The following SFTPA1 variants were observed in gnomAD, a reference collection of about 807,000 sequenced individuals.
SFTPA1 encodes surfactant protein A1.
A neutral mutation model predicts 19.1 loss-of-function variants in SFTPA1; 13 were observed. The observed-to-expected ratio is 0.68, with a 90% CI of 0.44 to 1.08. The LOEUF (loss-of-function observed/expected upper bound fraction) is 1.08. Among genes scored for constraint, SFTPA1 ranks in the 50% least tolerant of loss-of-function variants. The pLI is 0.00. For synonymous variants in SFTPA1, 101 were observed against 117.0 expected (o/e 0.86, Z 0.88); for missense variants, 259 against 316.4 (o/e 0.82, Z 1.38).
In SFTPA1 at chr10:79,614,943, A is replaced by T; in HGVS notation, c.*830A>T. ...GCTTTCTCCTTTCATTAATCCATTC[A>T]CCCAGATATTTCATTAAAATTATCA... is the stretch of plus-strand genomic sequence containing the variant. On this transcript the variant is annotated 3_prime_UTR_variant, in exon 6 of 6. Coordinates refer to ENST00000398636, the MANE Select transcript of SFTPA1 (RefSeq NM_005411.5). 1 of 1,267,940 alleles carries T rather than the reference A, an allele frequency of 7.9e-7. No individual in the cohort carries two copies. Among genetic ancestry groups the T allele is most frequent in the Non-Finnish European group, 1.0e-6 (1 of 959,064 alleles). 78.5% of individuals were successfully genotyped at this position (1,267,940 alleles called of 1,614,324 possible).
intron 3 of SFTPA1, 35 bp downstream of exon 3, chr10:79,612,032 A>T: frequency 6.2e-7 from 1 of 1,610,432 alleles, no homozygotes; most frequent in Non-Finnish European, 8.5e-7. Context: ...CAGCTGAGGG[A>T]CACAGACCCC....
chr10:79,613,893 G>C lies in SFTPA1; in HGVS notation c.527G>C (p.Ser176Thr), dbSNP rs1312963733. 3.1e-6 allele frequency: 5 copies of C among 1,614,006 alleles called. No homozygotes were observed. Among genetic ancestry groups the C allele is most frequent in the Non-Finnish European group, 4.2e-6 (5 of 1,179,866 alleles). Residue 176 changes from serine (S) to threonine (T), a missense_variant, in exon 6 of 6, where the codon AGC (serine) becomes ACC (threonine). Transcript: ENST00000398636. ...CCAGAGGAAAATGAGGCCATTGCAAGCTTCGTGAAGAAGTACAACACATAT... is the reference window on the plus strand; with the variant it reads ...CCAGAGGAAAATGAGGCCATTGCAACCTTCGTGAAGAAGTACAACACATAT... Reference protein sequence around the residue: ...RNPEENEAIASFVKKYNTYAY... With the variant: ...RNPEENEAIATFVKKYNTYAY...
rs541642692 is a variant in SFTPA1, at chr10:79,613,958, T to C, written c.592T>C (p.Phe198Leu). Residue 198 changes from phenylalanine to leucine, a missense_variant, in exon 6 of 6, where the codon TTC becomes CTC. Coordinates refer to ENST00000398636, the MANE Select transcript of SFTPA1 (RefSeq NM_005411.5). Reference sequence around the variant, plus strand: ...GACTGAGGGTCCCAGCCCTGGAGACTTCCGCTACTCAGACGGGACCCCTGT... The same window carrying C: ...GACTGAGGGTCCCAGCCCTGGAGACCTCCGCTACTCAGACGGGACCCCTGT... ...GLTEGPSPGDFRYSDGTPVNY... is the reference protein window; with the variant it reads ...GLTEGPSPGDLRYSDGTPVNY... 6.2e-7 allele frequency: 1 copy of C among 1,614,178 alleles called. No individual in the cohort carries two copies. The highest frequency in any genetic ancestry group is 1.7e-5 in the Admixed American group (1 of 60,030).
At position 79,615,411 on chromosome 10, in the gene SFTPA1, A is replaced by G. The variant is rs773536388; in HGVS notation, c.*1298A>G. 2 of 166,962 alleles carry G rather than the reference A, an allele frequency of 1.2e-5. No homozygotes were observed. Among genetic ancestry groups the G allele is most frequent in the Non-Finnish European group, 2.7e-5 (2 of 74,952 alleles). 10.3% of individuals were successfully genotyped at this position (166,962 alleles called of 1,614,324 possible). A position where few individuals can be genotyped will look rare whatever the true frequency, so the allele number is the denominator to read the frequency against. ...CCCACTCCTGAGCTGAATAAAGATG[A>G]TTTAAGCTTAATAAATCGTGAATGT... On this transcript the variant is annotated 3_prime_UTR_variant, in exon 6 of 6. Transcript: ENST00000398636.
intron 2 of SFTPA1, 132 bp from the exon 3 acceptor site, chr10:79,611,671 G>A (rs544598493): frequency 1.3e-5 from 20 of 1,574,750 alleles, no homozygotes; most frequent in East Asian, 4.7e-5. Flanking sequence ...CGGGAGCTTC[G>A]GGTCTTCCCA....
chr10:79,615,183 C>T lies in SFTPA1; in HGVS notation c.*1070C>T. 3.2e-6 allele frequency: 3 copies of T among 925,732 alleles called. No individual in the cohort carries two copies. Among genetic ancestry groups the T allele is most frequent in the African/African-American group, 1.7e-5 (1 of 57,838 alleles). 57.3% of individuals were successfully genotyped at this position (925,732 alleles called of 1,614,324 possible). A position where few individuals can be genotyped will look rare whatever the true frequency, so the allele number is the denominator to read the frequency against. On this transcript the variant is annotated 3_prime_UTR_variant, in exon 6 of 6. Transcript: ENST00000398636. ...CTGAGCACCTATCATTTGCCAAGAA[C>T]CTTGACAAGCACTTCTAATACAGCA...
chr10:79,612,325 A>C lies in SFTPA1; in HGVS notation c.186A>C (p.Pro62=), dbSNP rs1136451. The stretch of plus-strand genomic sequence containing the variant: ...TTTTCTCTGCAGGCCCCATGGGTCC[A>C]CCTGGAGAAATGCCATGTCCTCCTG... ...GDPGPPGPMG[P]PGEMPCPPGN... Residue 62 remains proline, a synonymous_variant, in exon 4 of 6, where the codon CCA becomes CCC. Coordinates refer to ENST00000398636, the MANE Select transcript of SFTPA1 (RefSeq NM_005411.5). The C allele has an allele frequency of 6.2e-7, 1 of 1,613,592 alleles. No individual in the cohort carries two copies. The highest frequency in any genetic ancestry group is 1.3e-5 in the African/African-American group (1 of 74,938).
At position 79,611,373 on chromosome 10, in the gene SFTPA1, A is replaced by G. The variant is rs1372197868; in HGVS notation, c.-40A>G. ...AGTAACACAGCAGGGATGAGGACAGATGGTGTGAGTCAGTGAGTGAGTGAC... is the reference window on the plus strand; with the variant it reads ...AGTAACACAGCAGGGATGAGGACAGGTGGTGTGAGTCAGTGAGTGAGTGAC... On this transcript the variant is annotated 5_prime_UTR_variant, in exon 2 of 6. It removes an upstream start codon present in the reference 5' UTR. Transcript: ENST00000398636. 3 of 554,492 alleles carry G rather than the reference A, an allele frequency of 5.4e-6. No individual in the cohort carries two copies. Among genetic ancestry groups the G allele is most frequent in the Non-Finnish European group, 9.6e-6 (3 of 311,554 alleles). The allele number at this position is 554,492 out of a possible 1,614,324, so 34.3% of individuals were successfully genotyped here.
In SFTPA1 at chr10:79,614,258, T is replaced by C; in HGVS notation, c.*145T>C. ...GGGACTGGAGGCACCCTTAGCCACTTCATTCCTCTGATGGGCCCTGACTCT... is the reference window on the plus strand; with the variant it reads ...GGGACTGGAGGCACCCTTAGCCACTCCATTCCTCTGATGGGCCCTGACTCT... On this transcript the variant is annotated 3_prime_UTR_variant, in exon 6 of 6. Transcript: ENST00000398636. 7.5e-7 allele frequency: 1 copy of C among 1,334,378 alleles called. No homozygotes were observed. The highest frequency in any genetic ancestry group is 1.0e-6 in the Non-Finnish European group (1 of 963,586). 82.7% of individuals were successfully genotyped at this position (1,334,378 alleles called of 1,614,324 possible).
Position 79,615,253 on chromosome 10 carries a change from T to A in SFTPA1, c.*1140T>A. On this transcript the variant is annotated 3_prime_UTR_variant, in exon 6 of 6. Transcript: ENST00000398636. Reference sequence around the variant, plus strand: ...TTTACACAATGTCACGGGACCAGTATTGTTTCCTCATTTTTTATAAGGACA... The same window carrying A: ...TTTACACAATGTCACGGGACCAGTAATGTTTCCTCATTTTTTATAAGGACA... 1 of 392,028 alleles carries A rather than the reference T, an allele frequency of 2.6e-6. No individual in the cohort carries two copies. The highest frequency in any genetic ancestry group is 8.3e-5 in the East Asian group (1 of 12,018). 24.3% of individuals were successfully genotyped at this position (392,028 alleles called of 1,614,324 possible).
Position 79,612,434 on chromosome 10 carries a change from G to A in SFTPA1, c.292+3G>A, listed in dbSNP as rs768602938. 2.5e-6 allele frequency: 4 copies of A among 1,613,398 alleles called. No homozygotes were observed. The highest frequency in any genetic ancestry group is 3.4e-6 in the Non-Finnish European group (4 of 1,179,622). On this transcript the variant is annotated splice_donor_region_variant and intron_variant, in intron 4 of 5. Transcript: ENST00000398636. ...GCCTGGCGAGAGGGGCCCTCCAGGTGAGCAGGGTGGGGCAGGTGGGCAGTG... is the reference window on the plus strand; with the variant it reads ...GCCTGGCGAGAGGGGCCCTCCAGGTAAGCAGGGTGGGGCAGGTGGGCAGTG...
chr10:79,614,114 G>A lies in SFTPA1; in HGVS notation c.*1G>A, dbSNP rs1281219303. On this transcript the variant is annotated 3_prime_UTR_variant, in exon 6 of 6. Transcript: ENST00000398636. ...CCGACTGACCATCTGTGAGTTCTGA[G>A]AGGCATTTAGGCCATGGGACAGGGA... 1.2e-6 allele frequency: 2 copies of A among 1,614,212 alleles called. No individual in the cohort carries two copies. The highest frequency in any genetic ancestry group is 1.7e-6 in the Non-Finnish European group (2 of 1,180,034).
rs4253538 is a variant in SFTPA1, at chr10:79,615,001, G to A, written c.*888G>A. On this transcript the variant is annotated 3_prime_UTR_variant, in exon 6 of 6. Transcript: ENST00000398636. The stretch of plus-strand genomic sequence containing the variant: ...GGTCTTAGGATATGTCGTGGGGTGG[G>A]CAAGGTAATCAGTGACAGTTGAAGA... 2,057 of 1,305,182 alleles carry A rather than the reference G, an allele frequency of 1.6e-3. 26 individuals are homozygous for A. In the African/African-American group the frequency reaches 0.028, roughly 18 times the overall value. The allele number at this position is 1,305,182 out of a possible 1,614,324, so 80.9% of individuals were successfully genotyped here. A position where few individuals can be genotyped will look rare whatever the true frequency, so the allele number is the denominator to read the frequency against.
At position 79,614,982 on chromosome 10, in the gene SFTPA1, A is replaced by G. The variant is rs961469638; in HGVS notation, c.*869A>G. On this transcript the variant is annotated 3_prime_UTR_variant, in exon 6 of 6. Transcript: ENST00000398636. ...TTAAAATTATCACGTGCCAGGTCTTAGGATATGTCGTGGGGTGGGCAAGGT... is the reference window on the plus strand; with the variant it reads ...TTAAAATTATCACGTGCCAGGTCTTGGGATATGTCGTGGGGTGGGCAAGGT... 2.1e-5 allele frequency: 28 copies of G among 1,304,244 alleles called. No homozygotes were observed. Among genetic ancestry groups the G allele is most frequent in the Non-Finnish European group, 2.6e-5 (26 of 988,342 alleles). The allele number at this position is 1,304,244 out of a possible 1,614,324, so 80.8% of individuals were successfully genotyped here.
Position 79,612,012 on chromosome 10 carries a change from A to C in SFTPA1, c.172+15A>C. ...TGGCCCTCCAGGTACTGTGCTGCAGACCCCACCCTCAGCTGAGGGACACAG... is the reference window on the plus strand; with the variant it reads ...TGGCCCTCCAGGTACTGTGCTGCAGCCCCCACCCTCAGCTGAGGGACACAG... On this transcript the variant is annotated intron_variant, in intron 3 of 5. Coordinates refer to ENST00000398636, the MANE Select transcript of SFTPA1 (RefSeq NM_005411.5). The C allele has an allele frequency of 6.2e-7, 1 of 1,611,624 alleles. No homozygotes were observed. Among genetic ancestry groups the C allele is most frequent in the Non-Finnish European group, 8.5e-7 (1 of 1,178,624 alleles).
Position 79,614,972 on chromosome 10 carries a change from G to T in SFTPA1, c.*859G>T. 1 of 1,301,828 alleles carries T rather than the reference G, an allele frequency of 7.7e-7. No homozygotes were observed. Among genetic ancestry groups the T allele is most frequent in the South Asian group, 1.2e-5 (1 of 80,288 alleles). 80.6% of individuals were successfully genotyped at this position (1,301,828 alleles called of 1,614,324 possible). A position where few individuals can be genotyped will look rare whatever the true frequency, so the allele number is the denominator to read the frequency against. Reference sequence around the variant, plus strand: ...AGATATTTCATTAAAATTATCACGTGCCAGGTCTTAGGATATGTCGTGGGG... The same window carrying T: ...AGATATTTCATTAAAATTATCACGTTCCAGGTCTTAGGATATGTCGTGGGG... On this transcript the variant is annotated 3_prime_UTR_variant, in exon 6 of 6. Transcript: ENST00000398636.
rs1859838160 is a variant in SFTPA1, at chr10:79,611,339, T to C, written c.-74T>C. On this transcript the variant is annotated 5_prime_UTR_variant, in exon 2 of 6. Transcript: ENST00000398636. ...CTCAGGTCGCTGATTTCTTGGAGCC[T>C]GAAAAGAAAGTAACACAGCAGGGAT... The C allele has an allele frequency of 1.2e-5, 5 of 403,362 alleles. No homozygotes were observed. The highest frequency in any genetic ancestry group is 4.0e-5 in the Admixed American group (1 of 24,730). The allele number at this position is 403,362 out of a possible 1,614,324, so 25.0% of individuals were successfully genotyped here.
chr10:79,612,577 G>C, intron 4 of SFTPA1, 146 bp downstream of exon 4: 1 of 1,355,164 alleles, frequency 7.4e-7, no homozygotes, highest in Non-Finnish European at 1.0e-6. Context: ...TAAGCTTGAG[G>C]GAGAAAGCTG....
At position 79,614,713 on chromosome 10, in the gene SFTPA1, C is replaced by T. The variant is rs1287574998; in HGVS notation, c.*600C>T. ...TCCAGCAGGGTGGTGGCCAAGCCAACCCCATGATTGATGTGTACGATTCAC... is the reference window on the plus strand; with the variant it reads ...TCCAGCAGGGTGGTGGCCAAGCCAATCCCATGATTGATGTGTACGATTCAC... On this transcript the variant is annotated 3_prime_UTR_variant, in exon 6 of 6. Transcript: ENST00000398636. 3.3e-6 allele frequency: 1 copy of T among 299,172 alleles called. No homozygotes were observed. The highest frequency in any genetic ancestry group is 2.2e-5 in the African/African-American group (1 of 45,666). The allele number at this position is 299,172 out of a possible 1,614,324, so 18.5% of individuals were successfully genotyped here.
Sources: allele counts gnomAD v4.1 joint callset, GRCh38; gene constraint gnomAD v4.1.1; transcripts MANE v1.5; gene names NCBI Gene and HGNC (gene_info 2026-07-23, HGNC 2026-07-21).